Variants in KCNMB2 observed in about 807,000 individuals in gnomAD.
The protein encoded by KCNMB2 is calcium-activated potassium channel subunit beta-2.
Under a neutral mutation model 24.5 loss-of-function variants are expected in KCNMB2, and 9 were observed. That is an observed-to-expected ratio of 0.37 (90% CI 0.22 to 0.64). The LOEUF is 0.64. Among genes scored for constraint, KCNMB2 ranks in the 30% least tolerant of loss-of-function variants. KCNMB2 has a pLI of 0.63. For synonymous variants in KCNMB2, 109 were observed against 104.4 expected (o/e 1.04, Z -0.27); for missense variants, 226 against 284.3 (o/e 0.79, Z 1.47).
At chr3:178,817,227 A>ATATATATATATAT (rs1408060884) in intron 2 of KCNMB2, among the ~76,000 whole-genome samples, 8 of 148,324 alleles carry the variant, frequency 5.4e-5, no homozygotes, top group East Asian at 4.0e-4. Context: ...ATATATATAT[A>ATATATATATATAT]AATGAAGTGT....
At chr3:178,606,995 T>A (rs1024501850) in intron 1 of KCNMB2, among the ~76,000 whole-genome samples, 1 of 152,212 alleles carries the variant, frequency 6.6e-6, no homozygotes, top group South Asian at 2.1e-4. Flanking sequence ...GATCTAGGAC[T>A]TCCCAGCCTT....
intron 1 of KCNMB2, among the ~76,000 whole-genome samples, chr3:178,613,332 G>A (rs375559560): frequency 1.2e-4 from 19 of 152,328 alleles, no homozygotes; most frequent in South Asian, 1.0e-3. Flanking sequence ...AGGAGGCAGA[G>A]GTTGCCGTGA....
chr3:178,588,036 G>A (rs936828279), intron 1 of KCNMB2, among the ~76,000 whole-genome samples: 28 of 151,596 alleles, frequency 1.8e-4, no homozygotes, highest in African/African-American at 6.6e-4. Context: ...GATGGTTTCC[G>A]GCTTCATCCA....
At chr3:178,831,147 C>T (rs1311892439) in intron 4 of KCNMB2, among the ~76,000 whole-genome samples, 1 of 152,084 alleles carries the variant, frequency 6.6e-6, no homozygotes, top group Non-Finnish European at 1.5e-5. Context: ...GTGCTCCAGT[C>T]CATTTTTGAA....
chr3:178,772,958 C>T (rs1248535101), intron 1 of KCNMB2, among the ~76,000 whole-genome samples: 2 of 152,164 alleles, frequency 1.3e-5, no homozygotes, highest in East Asian at 3.9e-4. Context: ...CCCCATTTGC[C>T]TCTGTCTCTT....
intron 1 of KCNMB2, among the ~76,000 whole-genome samples, chr3:178,806,745 T>C (rs1713987235): frequency 6.6e-6 from 1 of 151,854 alleles, no homozygotes; most frequent in Admixed American, 6.6e-5. Flanking sequence ...ATATCTTGAC[T>C]CTAGAGCCTA....
At chr3:178,659,042 T>C (rs1720438013) in intron 1 of KCNMB2, among the ~76,000 whole-genome samples, 1 of 152,206 alleles carries the variant, frequency 6.6e-6, no homozygotes, top group Non-Finnish European at 1.5e-5. Context: ...TCTCAGAAGA[T>C]GCACATTTCC....
intron 4 of KCNMB2, among the ~76,000 whole-genome samples, chr3:178,839,286 T>C (rs572350470): frequency 6.6e-6 from 1 of 151,856 alleles, no homozygotes; most frequent in East Asian, 1.9e-4. Flanking sequence ...GCTTTTTTAA[T>C]TAAAAATGTG....
chr3:178,778,106 T>C (rs946889393), intron 1 of KCNMB2, among the ~76,000 whole-genome samples: 26 of 152,342 alleles, frequency 1.7e-4, no homozygotes, highest in Admixed American at 1.2e-3. Flanking sequence ...GCAGTGTTTC[T>C]TTTCATTCAT....
intron 1 of KCNMB2, among the ~76,000 whole-genome samples, chr3:178,642,684 G>A (rs1255526202): frequency 6.6e-6 from 1 of 152,118 alleles, no homozygotes; most frequent in Non-Finnish European, 1.5e-5. Context: ...TCCATTGCTG[G>A]GGTGAAAATC....
chr3:178,776,025 T>C (rs909484312), intron 1 of KCNMB2, among the ~76,000 whole-genome samples: 26 of 152,164 alleles, frequency 1.7e-4, no homozygotes, highest in Admixed American at 5.9e-4. Flanking sequence ...CTCCGAAGTC[T>C]GTATCTACAA....
intron 1 of KCNMB2, among the ~76,000 whole-genome samples, chr3:178,738,048 A>G (rs928215751): frequency 2.6e-5 from 4 of 152,142 alleles, no homozygotes; most frequent in Non-Finnish European, 5.9e-5. Flanking sequence ...TTGTCAAGAG[A>G]AAGTCAGTGT....
intron 2 of KCNMB2, among the ~76,000 whole-genome samples, chr3:178,814,262 G>A (rs553407042): frequency 3.9e-5 from 6 of 152,002 alleles, no homozygotes; most frequent in Non-Finnish European, 8.8e-5. Context: ...TTTGGTTTTC[G>A]GTTTCTGTGT....
intron 1 of KCNMB2, among the ~76,000 whole-genome samples, chr3:178,793,134 C>G (rs1377330689): frequency 2.0e-5 from 3 of 152,198 alleles, no homozygotes; most frequent in African/African-American, 7.2e-5. Context: ...AGACATACTT[C>G]CATTAGATTT....
intron 4 of KCNMB2, among the ~76,000 whole-genome samples, chr3:178,839,518 T>C (rs913238617): frequency 1.3e-5 from 2 of 152,118 alleles, no homozygotes; most frequent in Non-Finnish European, 2.9e-5. Flanking sequence ...GTTTTCACAC[T>C]GCTAGAAAGA....
chr3:178,551,788 C>T (rs1351811390), intron 1 of KCNMB2, among the ~76,000 whole-genome samples: 1 of 152,192 alleles, frequency 6.6e-6, no homozygotes. Context: ...AAATCTCTCG[C>T]TCAGAAAGCA....
intron 1 of KCNMB2, among the ~76,000 whole-genome samples, chr3:178,633,364 A>C (rs1719395242): frequency 6.6e-6 from 1 of 152,192 alleles, no homozygotes; most frequent in African/African-American, 2.4e-5. Flanking sequence ...TTCTGACTGG[A>C]CATACAGGCA....
At chr3:178,586,337 A>G (rs1717426441) in intron 1 of KCNMB2, among the ~76,000 whole-genome samples, 1 of 152,160 alleles carries the variant, frequency 6.6e-6, no homozygotes, top group Non-Finnish European at 1.5e-5. Context: ...CAGGAAAAAA[A>G]AAGAAACAAG....
In KCNMB2 at chr3:178,683,504, A is replaced by T. The variant is rs1701973943; in HGVS notation, c.-67-123839A>T. Among the ~76,000 whole-genome samples, 8 of 152,220 alleles carry T rather than the reference A, an allele frequency of 5.3e-5. No individual in the cohort carries two copies. The South Asian group carries it at 1.7e-3, about 32-fold the overall frequency. On this transcript the variant is annotated intron_variant, in intron 1 of 4. Coordinates refer to ENST00000452583, the MANE Select transcript of KCNMB2 (RefSeq NM_181361.3). ...AAAGTTGAATAAATACATGAAAATT[A>T]TCATTTTAACATGTAATCACATAGA...
Sources: allele counts gnomAD v4.1 joint callset (sites outside exome capture counted in the v4.1 genomes callset), GRCh38; gene constraint gnomAD v4.1.1; transcripts MANE v1.5; gene names NCBI Gene and HGNC (gene_info 2026-07-23, HGNC 2026-07-21).